The following ATE1 variants were observed in gnomAD, a reference collection of about 807,000 sequenced individuals.
ATE1 encodes the protein arginyl-tRNA--protein transferase 1.
ATE1 carries 36 observed loss-of-function variants against 70.5 expected under a neutral mutation model. That is an observed-to-expected ratio of 0.51 (90% CI 0.39 to 0.67). The LOEUF is 0.67. ATE1 is among the 30% of genes least tolerant of loss of function. The pLI is 0.00. For synonymous variants in ATE1, 232 were observed against 219.3 expected (o/e 1.06, Z -0.51); for missense variants, 593 against 629.5 (o/e 0.94, Z 0.62).
At chr10:121,798,149 T>C (rs967446563) in intron 10 of ATE1, among the ~76,000 whole-genome samples, 1 of 152,254 alleles carries the variant, frequency 6.6e-6, no homozygotes, top group African/African-American at 2.4e-5. Context: ...GCTGAATTTG[T>C]ATTTATGATG....
chr10:121,831,842 A>G (rs1357265453), intron 10 of ATE1, among the ~76,000 whole-genome samples: 2 of 152,224 alleles, frequency 1.3e-5, no homozygotes, highest in Non-Finnish European at 2.9e-5. Flanking sequence ...GTAAATGTAT[A>G]TAATCAGTCA....
intron 9 of ATE1, among the ~76,000 whole-genome samples, chr10:121,837,026 T>G (rs1025542143): frequency 1.6e-4 from 25 of 152,200 alleles, no homozygotes; most frequent in African/African-American, 6.0e-4. Context: ...AGCAAATGCA[T>G]CTAAGTTCAG....
At chr10:121,879,719 T>C (rs1950169571) in intron 7 of ATE1, among the ~76,000 whole-genome samples, 1 of 152,196 alleles carries the variant, frequency 6.6e-6, no homozygotes, top group South Asian at 2.1e-4. Flanking sequence ...AGTCATCAGG[T>C]CACGGTGAGA....
intron 4 of ATE1, among the ~76,000 whole-genome samples, chr10:121,911,497 C>T (rs1394378745): frequency 6.6e-6 from 1 of 151,750 alleles, no homozygotes; most frequent in Non-Finnish European, 1.5e-5. Flanking sequence ...AATGTACTGC[C>T]AGTCCCTTTA....
At chr10:121,874,698 C>G (rs1439895947) in intron 7 of ATE1, among the ~76,000 whole-genome samples, 1 of 152,170 alleles carries the variant, frequency 6.6e-6, no homozygotes, top group Non-Finnish European at 1.5e-5. Flanking sequence ...CATTAAGATT[C>G]AAAACATCTT....
At chr10:121,902,990 C>G (rs963579070) in intron 5 of ATE1, among the ~76,000 whole-genome samples, 1 of 147,282 alleles carries the variant, frequency 6.8e-6, no homozygotes, top group East Asian at 2.3e-4. Context: ...CTCAACCTCC[C>G]GAGTAGCTGG....
At chr10:121,784,629 G>A (rs981124181) in intron 11 of ATE1, among the ~76,000 whole-genome samples, 13 of 152,134 alleles carry the variant, frequency 8.5e-5, no homozygotes, top group Non-Finnish European at 1.3e-4. Flanking sequence ...AGGCAGAGGC[G>A]GGTGGATCGC....
At chr10:121,863,397 GC>G (rs1266032252) in intron 8 of ATE1, among the ~76,000 whole-genome samples, 1 of 151,722 alleles carries the variant, frequency 6.6e-6, no homozygotes, top group East Asian at 1.9e-4. Flanking sequence ...GGGATTACAG[GC>G]GCCCGCCACC....
chr10:121,926,670 G>C (rs1430008704), intron 1 of ATE1: 6 of 940,538 alleles, frequency 6.4e-6, no homozygotes, highest in Non-Finnish European at 7.6e-6. Flanking sequence ...AAATATTATA[G>C]CCAAAATACA....
intron 7 of ATE1, among the ~76,000 whole-genome samples, chr10:121,877,651 ATACGTAAAAAGCTCCC>A (rs55917187): frequency 0.18 from 27,117 of 152,160 alleles, 3,155 homozygotes; most frequent in Non-Finnish European, 0.25. Flanking sequence ...TGGCCAATAA[ATACGTAAAAAGCTCCC>A]TATTTAGTCA....
chr10:121,762,281 T>C (rs1273905909), intron 11 of ATE1, among the ~76,000 whole-genome samples: 3 of 152,202 alleles, frequency 2.0e-5, no homozygotes, highest in Non-Finnish European at 4.4e-5. Context: ...GTAGTGTCCT[T>C]TTCTAGGTCC....
At chr10:121,761,715 T>G (rs1945046863) in intron 11 of ATE1, among the ~76,000 whole-genome samples, 1 of 152,144 alleles carries the variant, frequency 6.6e-6, no homozygotes, top group African/African-American at 2.4e-5. Context: ...CCAAACTCCT[T>G]TTTTTACATT....
chr10:121,870,033 T>C lies in ATE1; in HGVS notation c.948A>G (p.Thr316=). The change falls in exon 8 of 12, where the codon ACA becomes ACG. Residue 316 remains threonine (T), a synonymous_variant. Transcript: ENST00000224652. ...CCAAGGGTGAACTGCAAAGGAATCT[T>C]GTGAACTGCAGTCAAATTTGAACAG... ...PPDTPTESQF[T]RFLCSSPLEA... 1 of 1,610,742 alleles carries C rather than the reference T, an allele frequency of 6.2e-7. No homozygotes were observed. The highest frequency in any genetic ancestry group is 1.1e-5 in the South Asian group (1 of 90,596).
intron 3 of ATE1, among the ~76,000 whole-genome samples, chr10:121,921,241 TA>T (rs567267001): frequency 1.3e-3 from 194 of 152,128 alleles, no homozygotes; most frequent in African/African-American, 4.4e-3. Flanking sequence ...CCTCCTCTAG[TA>T]GTCTCCAGCT....
intron 11 of ATE1, among the ~76,000 whole-genome samples, chr10:121,758,133 A>G (rs1339438069): frequency 6.6e-6 from 1 of 151,452 alleles, no homozygotes; most frequent in Middle Eastern, 3.2e-3. Context: ...GTATATGTGT[A>G]GCTAATAATT....
intron 11 of ATE1, among the ~76,000 whole-genome samples, chr10:121,759,390 T>C (rs1944940339): frequency 6.6e-6 from 1 of 152,064 alleles, no homozygotes; most frequent in Admixed American, 6.6e-5. Flanking sequence ...GAGAGATTGA[T>C]TCATGAGGTT....
At chr10:121,886,118 C>T (rs543080720) in intron 7 of ATE1, among the ~76,000 whole-genome samples, 1 of 152,108 alleles carries the variant, frequency 6.6e-6, no homozygotes, top group South Asian at 2.1e-4. Context: ...TTTTGGATTT[C>T]AGATTTTCAC....
intron 9 of ATE1, among the ~76,000 whole-genome samples, chr10:121,837,485 T>C: frequency 6.6e-6 from 1 of 152,230 alleles, no homozygotes. Flanking sequence ...AATTTCATTC[T>C]ACTTGCCCAG....
chr10:121,788,901 G>A (rs1404414162), intron 11 of ATE1, among the ~76,000 whole-genome samples: 1 of 152,194 alleles, frequency 6.6e-6, no homozygotes, highest in African/African-American at 2.4e-5. Flanking sequence ...ACAAAGCCAC[G>A]GCTAAATGCC....
Sources: gnomAD v4.1 joint callset for allele counts (sites outside exome capture counted in the v4.1 genomes callset) on GRCh38, gnomAD v4.1.1 for gene constraint, MANE v1.5 for transcripts, NCBI Gene and HGNC (gene_info 2026-07-23, HGNC 2026-07-21) for gene names.